The following FOXJ3 variants were observed in gnomAD, a reference collection of about 807,000 sequenced individuals.
The protein encoded by FOXJ3 is forkhead box protein J3.
In FOXJ3, 22 loss-of-function variants were observed where a neutral mutation model predicts 76.1. That is an observed-to-expected ratio of 0.29 (90% CI 0.21 to 0.41). FOXJ3 has a LOEUF of 0.41. FOXJ3 is among the 10% of genes least tolerant of loss of function. The probability of loss-of-function intolerance (pLI) is 1.00; values close to 1 mark genes in which losing one functional copy is unlikely to be tolerated. For missense variants in FOXJ3, 613 were observed against 762.1 expected (o/e 0.80, Z 2.30); for synonymous variants, 269 against 261.2 (o/e 1.03, Z -0.29).
intron 1 of FOXJ3, among the ~76,000 whole-genome samples, chr1:42,321,385 C>A (rs972886706): frequency 1.3e-5 from 2 of 152,072 alleles, no homozygotes; most frequent in African/African-American, 4.8e-5. Context: ...CAATTGGTAA[C>A]ATGAAAATCA....
rs139884469 is a variant in FOXJ3, at chr1:42,193,489, T to C, written c.934+1401A>G. 2.6e-5 allele frequency among the ~76,000 whole-genome samples: 4 copies of C among 152,204 alleles called. 1 individual carries two copies. The highest frequency in any genetic ancestry group is 9.6e-5 in the African/African-American group (4 of 41,544). Reference sequence around the variant, plus strand: ...TTATTTCAAAGCCCTTATTTTTCTATTGTGAATACCAAGGTTGGATTTGCT... The same window carrying C: ...TTATTTCAAAGCCCTTATTTTTCTACTGTGAATACCAAGGTTGGATTTGCT... On this transcript the variant is annotated intron_variant, in intron 8 of 12. Coordinates refer to ENST00000361346, the MANE Select transcript of FOXJ3 (RefSeq NM_014947.5).
At chr1:42,250,667 T>C (rs1438233115) in intron 4 of FOXJ3, among the ~76,000 whole-genome samples, 1 of 151,712 alleles carries the variant, frequency 6.6e-6, no homozygotes, top group Non-Finnish European at 1.5e-5. Flanking sequence ...AAATACAAAA[T>C]TAGCTGGGCG....
At chr1:42,331,122 T>C (rs1441071239) in intron 1 of FOXJ3, among the ~76,000 whole-genome samples, 3 of 152,182 alleles carry the variant, frequency 2.0e-5, no homozygotes, top group African/African-American at 7.2e-5. Flanking sequence ...GGCTTACACC[T>C]GTAGTCTCAG....
chr1:42,239,464 T>C (rs1311272571), intron 4 of FOXJ3, among the ~76,000 whole-genome samples: 1 of 152,194 alleles, frequency 6.6e-6, no homozygotes, highest in Non-Finnish European at 1.5e-5. Flanking sequence ...ATACCTGACA[T>C]GGTATGATTT....
chr1:42,324,114 TGTATATACACAGTGTATATAC>T (rs1655632232), intron 1 of FOXJ3, among the ~76,000 whole-genome samples: 1 of 11,720 alleles, frequency 8.5e-5, no homozygotes, highest in Non-Finnish European at 2.1e-4. Context: ...GTATATACAC[TGTATATACACAGTGTATATAC>T]AGTATATATA....
chr1:42,286,659 A>T (rs1653074257), intron 2 of FOXJ3, among the ~76,000 whole-genome samples: 1 of 152,024 alleles, frequency 6.6e-6, no homozygotes, highest in Non-Finnish European at 1.5e-5. Context: ...TTTGAGACGG[A>T]GTTTCACTCC....
intron 3 of FOXJ3, among the ~76,000 whole-genome samples, chr1:42,268,780 C>T (rs911558536): frequency 5.3e-5 from 8 of 152,092 alleles, no homozygotes; most frequent in African/African-American, 1.9e-4. Context: ...ATATCTGCGT[C>T]CCCTCAAAAT....
intron 1 of FOXJ3, among the ~76,000 whole-genome samples, chr1:42,321,723 C>A (rs900435971): frequency 1.8e-4 from 27 of 151,960 alleles, no homozygotes; most frequent in Non-Finnish European, 2.9e-5. Context: ...ATTTTTGCGC[C>A]ACTTTGGATA....
chr1:42,235,108 G>A (rs1180192167), intron 4 of FOXJ3, among the ~76,000 whole-genome samples: 2 of 152,066 alleles, frequency 1.3e-5, no homozygotes, highest in East Asian at 3.9e-4. Context: ...AATAACGGGC[G>A]CCCCTCCCAC....
rs34641810 is a variant in FOXJ3, at chr1:42,295,519, C to CTTTTT, written c.44+15526_44+15530dup. ...TAGTGTTGAACATGACTACAAGTGTCTTTTTTTTTTTTTTTTTTTTTTTTG... is the reference window on the plus strand; with the variant it reads ...TAGTGTTGAACATGACTACAAGTGTCTTTTTTTTTTTTTTTTTTTTTTTTTTTTTG... On this transcript the variant is annotated intron_variant, in intron 2 of 12. Coordinates refer to ENST00000361346, the MANE Select transcript of FOXJ3 (RefSeq NM_014947.5). Among the ~76,000 whole-genome samples the CTTTTT allele has an allele frequency of 1.8e-3, 139 of 78,996 alleles. 1 individual carries two copies. The highest frequency in any genetic ancestry group is 9.8e-3 in the Middle Eastern group (1 of 102). 51.8% of individuals were successfully genotyped at this position (78,996 alleles called of 152,430 possible).
intron 2 of FOXJ3, among the ~76,000 whole-genome samples, chr1:42,305,924 G>A (rs965483517): frequency 2.0e-5 from 3 of 152,124 alleles, no homozygotes; most frequent in South Asian, 2.1e-4. Context: ...CCCCACTTAC[G>A]GATGTGATTA....
chr1:42,200,314 T>C (rs1425690732), intron 6 of FOXJ3, among the ~76,000 whole-genome samples: 1 of 152,222 alleles, frequency 6.6e-6, no homozygotes, highest in Admixed American at 6.5e-5. Context: ...ATAGTGTATA[T>C]CCTTGTTACA....
At chr1:42,250,102 A>G (rs182958026) in intron 4 of FOXJ3, among the ~76,000 whole-genome samples, 1 of 152,356 alleles carries the variant, frequency 6.6e-6, no homozygotes, top group African/African-American at 2.4e-5. Context: ...CTCATGTGCC[A>G]TAACTTAAGG....
intron 5 of FOXJ3, among the ~76,000 whole-genome samples, chr1:42,207,995 C>T (rs1646893578): frequency 6.6e-6 from 1 of 152,202 alleles, no homozygotes; most frequent in African/African-American, 2.4e-5. Flanking sequence ...TCATCTCAGT[C>T]TGAACTATTG....
intron 2 of FOXJ3, among the ~76,000 whole-genome samples, chr1:42,283,731 C>T (rs949226826): frequency 2.6e-5 from 4 of 152,122 alleles, no homozygotes; most frequent in Non-Finnish European, 4.4e-5. Flanking sequence ...TGAATTATTC[C>T]GATCTCATGC....
At chr1:42,199,585 ACTGT>A (rs376078956) in intron 6 of FOXJ3, among the ~76,000 whole-genome samples, 64 of 152,138 alleles carry the variant, frequency 4.2e-4, no homozygotes, top group South Asian at 8.3e-4. Context: ...AAGCAAAATT[ACTGT>A]CTATCAGAAT....
intron 1 of FOXJ3, chr1:42,315,224 T>C (rs1655036536): frequency 6.1e-6 from 1 of 162,982 alleles, no homozygotes; most frequent in African/African-American, 2.4e-5. Flanking sequence ...AGGAGGTTTC[T>C]TTTTAGAGTG....
rs143175153 is a variant in FOXJ3 at position 42,181,865 on chromosome 1, TCACACA to T, written c.1753+46_1753+51del. ...CCTGCCATCGTTGTTCCTGGAGTGC[TCACACA>T]CACACACACACACACACACACACTC... On this transcript the variant is annotated intron_variant, in intron 12 of 12. Transcript: ENST00000361346. 1,919 of 962,242 alleles carry T rather than the reference TCACACA, an allele frequency of 2.0e-3. 2 individuals carry two copies. The highest frequency in any genetic ancestry group is 3.7e-3 in the East Asian group (138 of 37,630). The allele number at this position is 962,242 out of a possible 1,614,324, so 59.6% of individuals were successfully genotyped here.
rs796627795 is a variant in FOXJ3, at chr1:42,277,520, G to A, written c.369+828C>T. 3.2e-5 allele frequency among the ~76,000 whole-genome samples: 2 copies of A among 62,864 alleles called. 1 individual carries two copies. Among genetic ancestry groups the A allele is most frequent in the African/African-American group, 9.7e-5 (2 of 20,710 alleles). 41.2% of individuals were successfully genotyped at this position (62,864 alleles called of 152,430 possible). A position where few individuals can be genotyped will look rare whatever the true frequency, so the allele number is the denominator to read the frequency against. On this transcript the variant is annotated intron_variant, in intron 3 of 12. Coordinates refer to ENST00000361346, the MANE Select transcript of FOXJ3 (RefSeq NM_014947.5). ...TACTAAAAATACAAAAAATCTGGCC[G>A]GGCGCGGTGGCTCACGCCTGTAATC...
Sources: gnomAD v4.1 joint callset for allele counts (sites outside exome capture counted in the v4.1 genomes callset) on GRCh38, gnomAD v4.1.1 for gene constraint, MANE v1.5 for transcripts, NCBI Gene and HGNC (gene_info 2026-07-23, HGNC 2026-07-21) for gene names.